AZIN2: variants seen among roughly 807,000 people sequenced by gnomAD.
The protein encoded by AZIN2 is antizyme inhibitor 2, also known as ODC antizyme inhibitor-2.
Under a neutral mutation model 47.8 loss-of-function variants are expected in AZIN2, and 28 were observed. The ratio of observed to expected loss-of-function variants is 0.59; its 90% CI spans 0.43 to 0.80. The LOEUF (loss-of-function observed/expected upper bound fraction) is 0.80, where lower values mean the gene tolerates loss of function less well. Ranked by LOEUF, AZIN2 falls within the 30% of genes least tolerant of loss-of-function variation. The probability of loss-of-function intolerance (pLI) is 0.00; values close to 1 mark genes in which losing one functional copy is unlikely to be tolerated. For synonymous variants in AZIN2, 221 were observed against 239.4 expected (o/e 0.92, Z 0.71); for missense variants, 535 against 582.5 (o/e 0.92, Z 0.84).
At chr1:33,098,244 T>G (rs1643367899) in intron 10 of AZIN2, 65 bp downstream of exon 10, 1 of 1,243,768 alleles carries the variant, frequency 8.0e-7, no homozygotes, top group Non-Finnish European at 1.1e-6. Context: ...ATTTGTTGTG[T>G]TTTTATCTAA....
chr1:33,163,219 A>C, the AZIN2 span: 2 of 151,870 alleles, frequency 1.3e-5, 1 homozygote, highest in Non-Finnish European at 2.9e-5. Flanking sequence ...TTGTATTTTT[A>C]GTAGAGACGG....
chr1:33,120,022 A>C, intron 11 of AZIN2, 22 bp from the exon 12 acceptor site: 1 of 1,613,206 alleles, frequency 6.2e-7, no homozygotes, highest in Admixed American at 1.7e-5. Context: ...GGCTACTTGC[A>C]GCACCCCTCT....
the AZIN2 span, chr1:33,158,182 T>G: frequency 7.0e-7 from 1 of 1,422,084 alleles, no homozygotes; most frequent in Non-Finnish European, 9.9e-7. Context: ...CATGCTGTGT[T>G]TAGGACAGGG....
chr1:33,106,999 C>T (rs1339693568), intron 10 of AZIN2, among the ~76,000 whole-genome samples: 1 of 152,150 alleles, frequency 6.6e-6, no homozygotes, highest in African/African-American at 2.4e-5. Flanking sequence ...ATATAGAAAA[C>T]TCTAAGGCTT....
the AZIN2 span, among the ~76,000 whole-genome samples, chr1:33,129,330 G>T: frequency 6.6e-6 from 1 of 152,156 alleles, no homozygotes; most frequent in African/African-American, 2.4e-5. This position sits in a 1 kb window ranked among gnomAD's most constrained non-coding sequence, Gnocchi z 4.1. Flanking sequence ...ACTCTGATTG[G>T]ACAGAGGACC....
At chr1:33,119,902 G>C (rs1209805898) in intron 11 of AZIN2, 142 bp from the exon 12 acceptor site, 1 of 1,133,718 alleles carries the variant, frequency 8.8e-7, no homozygotes, top group Admixed American at 2.3e-5. Flanking sequence ...GTTGGGGAGG[G>C]GTCAGCAGCC....
intron 10 of AZIN2, among the ~76,000 whole-genome samples, chr1:33,105,934 T>G (rs1458808589): frequency 6.6e-6 from 1 of 152,214 alleles, no homozygotes; most frequent in Admixed American, 6.5e-5. Context: ...TGGGGCTTTC[T>G]TACTTGCTGT....
At chr1:33,087,874 T>G (rs1049803115) in intron 5 of AZIN2, among the ~76,000 whole-genome samples, 1 of 152,192 alleles carries the variant, frequency 6.6e-6, no homozygotes, top group African/African-American at 2.4e-5. Context: ...CTGAGACAGC[T>G]CCTTCCTGTC....
chr1:33,141,443 A>G, the AZIN2 span, among the ~76,000 whole-genome samples: 1 of 152,106 alleles, frequency 6.6e-6, no homozygotes, highest in African/African-American at 2.4e-5. Context: ...GCTAGAAACT[A>G]ACCCTCTCTG....
the AZIN2 span, among the ~76,000 whole-genome samples, chr1:33,128,641 AG>A: frequency 6.6e-6 from 1 of 152,128 alleles, no homozygotes; most frequent in Non-Finnish European, 1.5e-5. Context: ...TTAAAGCATC[AG>A]ATGTATTTAT....
rs1245734229 is a variant in AZIN2, at chr1:33,120,261, G to C, written c.*79G>C. 1 of 1,530,916 alleles carries C rather than the reference G, an allele frequency of 6.5e-7. No homozygotes were observed. The highest frequency in any genetic ancestry group is 2.3e-5 in the East Asian group (1 of 43,906). The allele number at this position is 1,530,916 out of a possible 1,614,324, so 94.8% of individuals were successfully genotyped here. A position where few individuals can be genotyped will look rare whatever the true frequency, so the allele number is the denominator to read the frequency against. The stretch of plus-strand genomic sequence containing the variant: ...GAGAGGTGGGGAAGATGGCAGGCAA[G>C]GGTACCCTTGGCCAGGACTCTGGTG... On this transcript the variant is annotated 3_prime_UTR_variant, in exon 12 of 12. Coordinates refer to ENST00000294517, the MANE Select transcript of AZIN2 (RefSeq NM_052998.4).
intron 10 of AZIN2, among the ~76,000 whole-genome samples, chr1:33,104,851 A>G (rs1442923573): frequency 6.6e-6 from 1 of 152,156 alleles, no homozygotes; most frequent in African/African-American, 2.4e-5. Flanking sequence ...GGCACATGCC[A>G]CTATGCCTGG....
intron 5 of AZIN2, among the ~76,000 whole-genome samples, chr1:33,090,830 G>A (rs1239299853): frequency 6.6e-6 from 1 of 152,046 alleles, no homozygotes; most frequent in Non-Finnish European, 1.5e-5. Flanking sequence ...TGTATCCTTT[G>A]ACCAACTTCT....
intron 10 of AZIN2, among the ~76,000 whole-genome samples, chr1:33,104,276 C>T (rs190734589): frequency 3.0e-4 from 45 of 152,068 alleles, no homozygotes; most frequent in Admixed American, 2.7e-3. Context: ...CTTTTTATAT[C>T]CTCTGTTCAC....
the AZIN2 span, among the ~76,000 whole-genome samples, chr1:33,129,787 G>C: frequency 6.6e-6 from 1 of 152,126 alleles, no homozygotes; most frequent in South Asian, 2.1e-4. This position sits in a 1 kb window ranked among gnomAD's most constrained non-coding sequence, Gnocchi z 4.1. Flanking sequence ...GACAATAAAG[G>C]GTGATGTTCC....
In AZIN2 at chr1:33,120,396, C is replaced by A; in HGVS notation, c.*214C>A. 1 of 668,150 alleles carries A rather than the reference C, an allele frequency of 1.5e-6. No homozygotes were observed. 41.4% of individuals were successfully genotyped at this position (668,150 alleles called of 1,614,324 possible). On this transcript the variant is annotated 3_prime_UTR_variant, in exon 12 of 12. Coordinates refer to ENST00000294517, the MANE Select transcript of AZIN2 (RefSeq NM_052998.4). ...GCAACATAAATCCTGTTCCTTCCAG[C>A]TGTGTCTGCCTCCTCTGCAGTGCAA...
At chr1:33,103,831 C>T (rs1462790748) in intron 10 of AZIN2, among the ~76,000 whole-genome samples, 1 of 152,004 alleles carries the variant, frequency 6.6e-6, no homozygotes, top group Non-Finnish European at 1.5e-5. Context: ...ATCTGTTTCC[C>T]TAGTACGGAA....
chr1:33,141,227 G>A, the AZIN2 span, among the ~76,000 whole-genome samples: 1 of 151,510 alleles, frequency 6.6e-6, no homozygotes, highest in East Asian at 2.0e-4. Context: ...TTGTACCCCC[G>A]CAGACCTTCT....
At chr1:33,105,315 G>A (rs750851179) in intron 10 of AZIN2, among the ~76,000 whole-genome samples, 1 of 152,128 alleles carries the variant, frequency 6.6e-6, no homozygotes, top group Non-Finnish European at 1.5e-5. Context: ...GACGTGTTAG[G>A]TGGACTTTTA....
Sources: gnomAD v4.1 joint callset for allele counts (sites outside exome capture counted in the v4.1 genomes callset) on GRCh38, gnomAD v4.1.1 for gene constraint, Gnocchi (gnomAD v3.1) non-coding constraint, MANE v1.5 for transcripts, NCBI Gene and HGNC (gene_info 2026-07-23, HGNC 2026-07-21) for gene names.